FBXL17: variants seen among roughly 807,000 people sequenced by gnomAD.
FBXL17 encodes F-box/LRR-repeat protein 17.
In FBXL17, 22 loss-of-function variants were observed where a neutral mutation model predicts 66.2. The observed-to-expected ratio is 0.33, with a 90% CI of 0.24 to 0.47. The LOEUF (loss-of-function observed/expected upper bound fraction) is 0.47. FBXL17 is among the 20% of genes least tolerant of loss of function. FBXL17 has a pLI of 1.00. For synonymous variants in FBXL17, 474 were observed against 400.5 expected, an observed-to-expected ratio of 1.18 and a Z score of -2.19; for missense variants, 878 against 948.2, an observed-to-expected ratio of 0.93 and a Z score of 0.97.
chr5:107,878,142 G>T, intron 8 of FBXL17: 1 of 662,492 alleles, frequency 1.5e-6, no homozygotes, highest in Non-Finnish European at 1.9e-6. Flanking sequence ...TGTAGAAAGT[G>T]TAATTACTGA....
At chr5:108,263,583 T>C (rs146601117) in intron 4 of FBXL17, among the ~76,000 whole-genome samples, 84 of 152,314 alleles carry the variant, frequency 5.5e-4, no homozygotes, top group Middle Eastern at 6.8e-3. Context: ...GCATTTCTAT[T>C]ATAAATACAG....
intron 6 of FBXL17, among the ~76,000 whole-genome samples, chr5:108,030,256 A>T (rs943386988): frequency 9.9e-5 from 15 of 152,128 alleles, no homozygotes; most frequent in African/African-American, 3.6e-4. Flanking sequence ...CTGAAGAGAA[A>T]CACATCTCTG....
Position 107,861,746 on chromosome 5 carries a change from G to A in FBXL17, c.2080C>T (p.Pro694Ser). 1 of 1,582,856 alleles carries A rather than the reference G, an allele frequency of 6.3e-7. No individual in the cohort carries two copies. The highest frequency in any genetic ancestry group is 1.2e-5 in the South Asian group (1 of 86,642). The change falls in exon 9 of 9, where the codon CCC becomes TCC. Residue 694 changes from proline to serine, a missense_variant. Physicochemically the swap from Pro to Ser is moderately conservative, Grantham distance 74. Coordinates refer to ENST00000542267, the MANE Select transcript of FBXL17 (RefSeq NM_001163315.3). ...TAGGAGGAGGCGGCAGACATGTTGG[G>A]GGTCCAGCCCATCTGATAGGCTCTC... ...LERAYQMGWT[P>S]NMSAASS is the part of the protein sequence containing the mutation.
intron 4 of FBXL17, chr5:108,299,152 A>G (rs1047339732): frequency 6.3e-5 from 62 of 980,916 alleles, no homozygotes; most frequent in Non-Finnish European, 7.4e-5. Flanking sequence ...ATCTGTCAAG[A>G]TTCTATCAAG....
At chr5:108,165,015 A>G (rs1277885856) in intron 6 of FBXL17, among the ~76,000 whole-genome samples, 1 of 152,254 alleles carries the variant, frequency 6.6e-6, no homozygotes, top group African/African-American at 2.4e-5. Flanking sequence ...AGACACAGAC[A>G]TCGAAATTCG....
intron 6 of FBXL17, among the ~76,000 whole-genome samples, chr5:108,035,061 CAA>C (rs1382176957): frequency 6.6e-6 from 1 of 152,064 alleles, no homozygotes; most frequent in African/African-American, 2.4e-5. Flanking sequence ...AAAGTGACTC[CAA>C]ATTACTCAAT....
intron 4 of FBXL17, among the ~76,000 whole-genome samples, chr5:108,231,141 C>T (rs2922431): frequency 0.75 from 113,941 of 152,064 alleles, 43,057 homozygotes; most frequent in East Asian, 0.93. Context: ...CCAAGCACTA[C>T]GCATAATTTT....
chr5:108,074,201 T>C (rs1390035865), intron 6 of FBXL17, among the ~76,000 whole-genome samples: 3 of 152,184 alleles, frequency 2.0e-5, no homozygotes, highest in Non-Finnish European at 4.4e-5. Flanking sequence ...ACCTTTGATA[T>C]TTTGGGGTAC....
chr5:108,321,775 TAAATGACAA>T (rs1759630806), intron 4 of FBXL17, among the ~76,000 whole-genome samples: 1 of 150,820 alleles, frequency 6.6e-6, no homozygotes, highest in Admixed American at 6.6e-5. Flanking sequence ...AGCCTAAAAC[TAAATGACAA>T]ACAAGAAAAA....
At chr5:108,338,724 C>T (rs1746676724) in intron 4 of FBXL17, among the ~76,000 whole-genome samples, 1 of 116,842 alleles carries the variant, frequency 8.6e-6, no homozygotes, top group South Asian at 2.6e-4. Context: ...CTATTAAAAT[C>T]TGGATGATAT....
At chr5:108,146,904 A>C (rs286798) in intron 6 of FBXL17, among the ~76,000 whole-genome samples, 1 of 152,038 alleles carries the variant, frequency 6.6e-6, no homozygotes, top group Non-Finnish European at 1.5e-5. Flanking sequence ...GGGTAATTCA[A>C]AAGAAATAGA....
At chr5:108,374,725 G>C (rs1171322905) in intron 1 of FBXL17, among the ~76,000 whole-genome samples, 1 of 151,690 alleles carries the variant, frequency 6.6e-6, no homozygotes, top group South Asian at 2.1e-4. Context: ...GAAAGAGGAG[G>C]GGAAATCACT....
chr5:108,015,765 G>A (rs1051487889), intron 7 of FBXL17, among the ~76,000 whole-genome samples: 2 of 152,112 alleles, frequency 1.3e-5, no homozygotes, highest in African/African-American at 4.8e-5. Context: ...AGCTTAAAAG[G>A]GTTGGTATCC....
intron 7 of FBXL17, among the ~76,000 whole-genome samples, chr5:107,885,079 A>G (rs2195941): frequency 0.24 from 36,982 of 152,092 alleles, 5,579 homozygotes; most frequent in Admixed American, 0.41. Flanking sequence ...TGTAAATGTA[A>G]TGTATCATTA....
chr5:107,863,035 C>A (rs1748171490), intron 8 of FBXL17, among the ~76,000 whole-genome samples: 1 of 151,428 alleles, frequency 6.6e-6, no homozygotes, highest in Non-Finnish European at 1.5e-5. Flanking sequence ...GACTTGCTTG[C>A]GTTTAAGTGA....
intron 8 of FBXL17, among the ~76,000 whole-genome samples, chr5:107,863,793 G>A (rs1748200220): frequency 6.6e-6 from 1 of 152,276 alleles, no homozygotes; most frequent in South Asian, 2.1e-4. Flanking sequence ...ATTTCTTGAG[G>A]AACTCACATT....
At chr5:108,254,771 C>A (rs1359478921) in intron 4 of FBXL17, among the ~76,000 whole-genome samples, 1 of 152,172 alleles carries the variant, frequency 6.6e-6, no homozygotes, top group African/African-American at 2.4e-5. Flanking sequence ...CAAAGGACAG[C>A]CCTACCCTCT....
intron 7 of FBXL17, among the ~76,000 whole-genome samples, chr5:107,924,022 G>C (rs1750410456): frequency 6.8e-6 from 1 of 147,282 alleles, no homozygotes; most frequent in African/African-American, 2.5e-5. Context: ...CCAGTAACCA[G>C]AGAAGTTCTG....
intron 5 of FBXL17, among the ~76,000 whole-genome samples, chr5:108,201,758 C>T (rs1030019709): frequency 1.3e-5 from 2 of 150,620 alleles, no homozygotes; most frequent in Non-Finnish European, 2.9e-5. Flanking sequence ...TTCAATATCA[C>T]TCTTTATGTA....
Sources: gnomAD v4.1 joint callset for allele counts (sites outside exome capture counted in the v4.1 genomes callset) on GRCh38, gnomAD v4.1.1 for gene constraint, MANE v1.5 for transcripts, NCBI Gene and HGNC (gene_info 2026-07-23, HGNC 2026-07-21) for gene names.